Variants in CHM observed in about 807,000 individuals in gnomAD.
CHM encodes CHM Rab escort protein, also known as rab proteins geranylgeranyltransferase component A 1.
CHM carries 10 observed loss-of-function variants against 49.0 expected under a neutral mutation model. The ratio of observed to expected loss-of-function variants is 0.20; its 90% CI spans 0.13 to 0.35. The LOEUF (loss-of-function observed/expected upper bound fraction) is 0.35, where lower values mean the gene tolerates loss of function less well. Ranked by LOEUF, CHM falls within the 10% of genes least tolerant of loss-of-function variation. The pLI is 1.00. For missense variants in CHM, 455 were observed against 478.4 expected (o/e 0.95, Z 0.46); for synonymous variants, 184 against 167.5 (o/e 1.10, Z -0.76).
intron 2 of CHM, among the ~76,000 whole-genome samples, chrX:85,989,082 T>C (rs1932055972): frequency 9.0e-6 from 1 of 111,674 alleles, no homozygotes; most frequent in Non-Finnish European, 1.9e-5. Flanking sequence ...GGCATCACGT[T>C]ACCAGATTTC....
chrX:85,974,939 A>G (rs1225322696), intron 4 of CHM, among the ~76,000 whole-genome samples: 1 of 111,347 alleles, frequency 9.0e-6, no homozygotes, highest in African/African-American at 3.3e-5. Flanking sequence ...CTCCAACCAC[A>G]TATCTGACAA....
intron 2 of CHM, among the ~76,000 whole-genome samples, chrX:86,018,197 C>T (rs948491384): frequency 2.7e-5 from 3 of 112,186 alleles, no homozygotes; most frequent in Non-Finnish European, 5.6e-5. Context: ...AACAGTAAAA[C>T]AAACAATCCA....
chrX:85,933,821 T>A (rs1928578078), intron 8 of CHM, among the ~76,000 whole-genome samples: 1 of 111,905 alleles, frequency 8.9e-6, no homozygotes, highest in Admixed American at 9.5e-5. Flanking sequence ...TAGGGATGGC[T>A]GTTTACAAAC....
At chrX:85,870,926 G>C (rs1924013263) in intron 14 of CHM, among the ~76,000 whole-genome samples, 1 of 110,818 alleles carries the variant, frequency 9.0e-6, no homozygotes, top group Non-Finnish European at 1.9e-5. Flanking sequence ...AGAGTGTCAA[G>C]TTTACATTAC....
Position 85,862,287 on chromosome X carries a change from C to CT in CHM, c.*2342dup, listed in dbSNP as rs1322632421. The CT allele has an allele frequency of 1.8e-5, 2 of 112,412 alleles. No individual in the cohort carries two copies. The highest frequency in any genetic ancestry group is 3.8e-5 in the Non-Finnish European group (2 of 53,238). 9.3% of individuals were successfully genotyped at this position (112,412 alleles called of 1,213,427 possible). Reference sequence around the variant, plus strand: ...GTTATTCTAGGCCTACCCTGATTGTCTGTTTACATGAATGTGCATGCTGCA... The same window carrying CT: ...GTTATTCTAGGCCTACCCTGATTGTCTTGTTTACATGAATGTGCATGCTGCA... On this transcript the variant is annotated 3_prime_UTR_variant, in exon 15 of 15. Coordinates refer to ENST00000357749, the MANE Select transcript of CHM (RefSeq NM_000390.4).
At chrX:86,004,924 C>G (rs1932821533) in intron 2 of CHM, among the ~76,000 whole-genome samples, 1 of 112,004 alleles carries the variant, frequency 8.9e-6, no homozygotes, top group South Asian at 3.7e-4. Context: ...TAATAGACAT[C>G]TAAAGAACTC....
At chrX:85,972,575 T>C (rs748573216) in intron 4 of CHM, among the ~76,000 whole-genome samples, 92 of 113,044 alleles carry the variant, frequency 8.1e-4, no homozygotes, top group African/African-American at 2.9e-3. Context: ...GGGGACCCAG[T>C]ACACCCTCCG....
At chrX:85,955,379 C>T (rs1029905774) in intron 8 of CHM, among the ~76,000 whole-genome samples, 3 of 110,648 alleles carry the variant, frequency 2.7e-5, no homozygotes, top group Non-Finnish European at 3.8e-5. Context: ...CTCCTATGTA[C>T]CCACAAAAAA....
intron 4 of CHM, among the ~76,000 whole-genome samples, chrX:85,968,915 C>G (rs1930723487): frequency 8.9e-6 from 1 of 112,015 alleles, no homozygotes. Flanking sequence ...CTAAAACACA[C>G]TTAACTGTAG....
intron 8 of CHM, among the ~76,000 whole-genome samples, chrX:85,913,201 A>C (rs1375017604): frequency 1.5e-4 from 15 of 101,653 alleles, no homozygotes; most frequent in African/African-American, 5.4e-4. Flanking sequence ...CTGTAATCCC[A>C]GCTACTTGGG....
intron 11 of CHM, among the ~76,000 whole-genome samples, chrX:85,900,183 T>A (rs908149868): frequency 1.8e-5 from 2 of 111,494 alleles, no homozygotes; most frequent in African/African-American, 6.5e-5. Flanking sequence ...TATTCAATCT[T>A]TAAAAAAGAA....
chrX:85,970,967 AT>A, intron 4 of CHM: 1 of 691,999 alleles, frequency 1.4e-6, no homozygotes, highest in Non-Finnish European at 1.7e-6. Context: ...TACCCAACGT[AT>A]TAAATTTAAT....
rs953786534 is a variant in CHM at position 85,946,009 on chromosome X, G to A, written c.1166+10144C>T. ...CGGGGGATCTGTGGAAGCTTGACTT[G>A]AGAGTGATGATTTAGGGTATCTGGT... On this transcript the variant is annotated intron_variant, in intron 8 of 14. Transcript: ENST00000357749. 3.6e-5 allele frequency among the ~76,000 whole-genome samples: 4 copies of A among 112,144 alleles called. No homozygotes were observed. The South Asian group carries it at 1.1e-3, about 31-fold the overall frequency.
chrX:85,891,865 C>T (rs764772695), intron 12 of CHM, among the ~76,000 whole-genome samples: 4 of 111,626 alleles, frequency 3.6e-5, no homozygotes, highest in South Asian at 7.6e-4. Context: ...TGAAAGCAGC[C>T]GGGAGGCAGG....
At chrX:85,990,231 C>G (rs1328397684) in intron 2 of CHM, among the ~76,000 whole-genome samples, 1 of 111,901 alleles carries the variant, frequency 8.9e-6, no homozygotes, top group South Asian at 3.7e-4. Flanking sequence ...AGCAAACTAA[C>G]GCAGGAACAG....
chrX:85,952,363 T>C (rs1332956266), intron 8 of CHM, among the ~76,000 whole-genome samples: 1 of 110,617 alleles, frequency 9.0e-6, no homozygotes, highest in Non-Finnish European at 1.9e-5. Context: ...TCTTTCATCT[T>C]GGATAGCAGC....
At chrX:86,005,749 T>G (rs1932838993) in intron 2 of CHM, among the ~76,000 whole-genome samples, 1 of 111,552 alleles carries the variant, frequency 9.0e-6, no homozygotes, top group South Asian at 3.7e-4. Context: ...AATAACAGGC[T>G]CTGAAATTGA....
chrX:85,890,329 T>A (rs776638050), intron 12 of CHM, among the ~76,000 whole-genome samples: 10 of 112,206 alleles, frequency 8.9e-5, no homozygotes, highest in African/African-American at 3.2e-4. Context: ...AAAGTAATAA[T>A]AGAAAATAAC....
intron 4 of CHM, among the ~76,000 whole-genome samples, chrX:85,974,469 G>A (rs1931134995): frequency 9.0e-6 from 1 of 111,548 alleles, no homozygotes; most frequent in African/African-American, 3.3e-5. Context: ...TAAATTGGGA[G>A]GAATTTATCT....
Sources: allele counts gnomAD v4.1 joint callset (sites outside exome capture counted in the v4.1 genomes callset), GRCh38; gene constraint gnomAD v4.1.1; transcripts MANE v1.5; gene names NCBI Gene and HGNC (gene_info 2026-07-23, HGNC 2026-07-21).